ZHX3: variants seen among roughly 807,000 people sequenced by gnomAD.
The protein encoded by ZHX3 is zinc fingers and homeoboxes protein 3.
A neutral mutation model predicts 64.5 loss-of-function variants in ZHX3; 20 were observed. That is an observed-to-expected ratio of 0.31 (90% CI 0.22 to 0.45). The LOEUF (loss-of-function observed/expected upper bound fraction) is 0.45. Ranked by LOEUF, ZHX3 falls within the 20% of genes least tolerant of loss-of-function variation. ZHX3 has a pLI of 1.00. For missense variants in ZHX3, 1,041 were observed against 1,195.8 expected (o/e 0.87, Z 1.91); for synonymous variants, 423 against 461.6 (o/e 0.92, Z 1.07).
intron 2 of ZHX3, among the ~76,000 whole-genome samples, chr20:41,243,781 A>G (rs1169934145): frequency 6.6e-6 from 1 of 152,194 alleles, no homozygotes; most frequent in Non-Finnish European, 1.5e-5. Flanking sequence ...GAAGGGGGCT[A>G]TTAGAAGGCA....
Position 41,205,063 on chromosome 20 carries a change from C to T in ZHX3, c.-147G>A, listed in dbSNP as rs1212509449. On this transcript the variant is annotated 5_prime_UTR_variant, in exon 3 of 4. Coordinates refer to ENST00000683867, the MANE Select transcript of ZHX3 (RefSeq NM_001384317.1). The stretch of plus-strand genomic sequence containing the variant: ...TTGCAGAAAGCAGGTTTTCCCTATT[C>T]AATCTAAGGAAAGGGAGAAAAAAAT... The T allele has an allele frequency of 3.1e-6, 4 of 1,304,800 alleles. No homozygotes were observed. In the African/African-American group the frequency reaches 4.5e-5, roughly 15 times the overall value. The allele number at this position is 1,304,800 out of a possible 1,614,324, so 80.8% of individuals were successfully genotyped here.
In ZHX3 at chr20:41,184,555, C is replaced by T. The variant is rs551168514; in HGVS notation, c.*636G>A. 1.1e-4 allele frequency: 30 copies of T among 274,358 alleles called. No individual in the cohort carries two copies. Among genetic ancestry groups the T allele is most frequent in the Non-Finnish European group, 1.8e-4 (26 of 144,202 alleles). 17.0% of individuals were successfully genotyped at this position (274,358 alleles called of 1,614,324 possible). On this transcript the variant is annotated 3_prime_UTR_variant, in exon 4 of 4. Transcript: ENST00000683867. ...TACAGCAGGTTCTGCACTGAGTAGCCCACAAGGCAAAGCAAGCCTGACATG... is the reference window on the plus strand; with the variant it reads ...TACAGCAGGTTCTGCACTGAGTAGCTCACAAGGCAAAGCAAGCCTGACATG...
chr20:41,289,944 AAAC>A (rs1218698680), intron 1 of ZHX3, among the ~76,000 whole-genome samples: 6 of 152,250 alleles, frequency 3.9e-5, no homozygotes, highest in African/African-American at 1.4e-4. Context: ...TAGAAACTAA[AAAC>A]TAATAATAAC....
chr20:41,218,340 G>C (rs1237783101), intron 2 of ZHX3, among the ~76,000 whole-genome samples: 1 of 152,100 alleles, frequency 6.6e-6, no homozygotes, highest in Non-Finnish European at 1.5e-5. Context: ...AGCTAATTGG[G>C]AAGCTGAGGC....
At chr20:41,215,580 C>T (rs951317105) in intron 2 of ZHX3, among the ~76,000 whole-genome samples, 1 of 151,940 alleles carries the variant, frequency 6.6e-6, no homozygotes, top group Non-Finnish European at 1.5e-5. Context: ...ACAGACTCTT[C>T]CAAGCGTTAT....
rs144856955 is a variant in ZHX3 at position 41,219,352 on chromosome 20, A to G, written c.-150-14286T>C. ...CAAGCTCAGAAGGTGATTGTGATATAAATACAAAGGCCTCAGAATTAAAGA... is the reference window on the plus strand; with the variant it reads ...CAAGCTCAGAAGGTGATTGTGATATGAATACAAAGGCCTCAGAATTAAAGA... On this transcript the variant is annotated intron_variant, in intron 2 of 3. Coordinates refer to ENST00000683867, the MANE Select transcript of ZHX3 (RefSeq NM_001384317.1). This position sits in a 1 kb window ranked among gnomAD's most constrained non-coding sequence, Gnocchi z 5.0. 2.2e-4 allele frequency among the ~76,000 whole-genome samples: 33 copies of G among 152,322 alleles called. No homozygotes were observed. The East Asian group carries it at 6.2e-3, about 28-fold the overall frequency.
At position 41,237,326 on chromosome 20, in the gene ZHX3, C is replaced by T. The variant is rs182744305; in HGVS notation, c.-151+31664G>A. ...GACACATGCACATGTATGTTTATTG[C>T]GGCACTATTCACAATAACAAAGACT... On this transcript the variant is annotated intron_variant, in intron 2 of 3. Transcript: ENST00000683867. 1.3e-3 allele frequency among the ~76,000 whole-genome samples: 205 copies of T among 152,124 alleles called. 5 individuals are homozygous for T. The East Asian group carries it at 0.03, about 22-fold the overall frequency.
chr20:41,197,363 AT>A lies in ZHX3; in HGVS notation c.2860+4693del, dbSNP rs575317641. On this transcript the variant is annotated intron_variant, in intron 3 of 3. Coordinates refer to ENST00000683867, the MANE Select transcript of ZHX3 (RefSeq NM_001384317.1). The stretch of plus-strand genomic sequence containing the variant: ...ATAATTGTATATATTTAAAATATAT[AT>A]TTTATATATAATTGTATATATTTTA... Among the ~76,000 whole-genome samples the A allele has an allele frequency of 2.7e-5, 4 of 146,624 alleles. No homozygotes were observed. In the Admixed American group the frequency reaches 2.8e-4, roughly 10 times the overall value.
chr20:41,208,951 C>T (rs1450384579), intron 2 of ZHX3, among the ~76,000 whole-genome samples: 2 of 152,232 alleles, frequency 1.3e-5, no homozygotes, highest in Admixed American at 1.3e-4. Flanking sequence ...CCCATCGTCT[C>T]AGCCTAAAAT....
At chr20:41,299,683 GA>G (rs1568960232) in intron 1 of ZHX3, among the ~76,000 whole-genome samples, 1 of 151,978 alleles carries the variant, frequency 6.6e-6, no homozygotes, top group Non-Finnish European at 1.5e-5. Flanking sequence ...CCAACACGGC[GA>G]AACCCTATCT....
Position 41,185,123 on chromosome 20 carries a change from G to A in ZHX3, c.*68C>T, listed in dbSNP as rs572887219. On this transcript the variant is annotated 3_prime_UTR_variant, in exon 4 of 4. Coordinates refer to ENST00000683867, the MANE Select transcript of ZHX3 (RefSeq NM_001384317.1). This position sits in a 1 kb window ranked among gnomAD's most constrained non-coding sequence, Gnocchi z 5.0. ...AACGGCATGTGGCAGCAGAGAGTCG[G>A]GTTTGGCTCTTCCACGTGGCAGGCG... 1.3e-6 allele frequency: 2 copies of A among 1,588,240 alleles called. No individual in the cohort carries two copies. The highest frequency in any genetic ancestry group is 4.5e-5 in the East Asian group (2 of 44,140).
intron 1 of ZHX3, among the ~76,000 whole-genome samples, chr20:41,274,326 A>G (rs1350098152): frequency 6.6e-6 from 1 of 152,256 alleles, no homozygotes; most frequent in Non-Finnish European, 1.5e-5. Flanking sequence ...CAGACTTCGC[A>G]GAACAGTATC....
At chr20:41,188,155 G>A (rs1208175306) in intron 3 of ZHX3, among the ~76,000 whole-genome samples, 1 of 152,084 alleles carries the variant, frequency 6.6e-6, no homozygotes, top group Non-Finnish European at 1.5e-5. Flanking sequence ...TGCCACATAT[G>A]AGTAAGAACG....
At position 41,249,502 on chromosome 20, in the gene ZHX3, C is replaced by T. The variant is rs548587898; in HGVS notation, c.-151+19488G>A. ...GAACTGACATCACCAGCCAAGCAAG[C>T]GGAAGGCAGATGAGTAATAGCCTGC... On this transcript the variant is annotated intron_variant, in intron 2 of 3. Coordinates refer to ENST00000683867, the MANE Select transcript of ZHX3 (RefSeq NM_001384317.1). Among the ~76,000 whole-genome samples, 133 of 152,270 alleles carry T rather than the reference C, an allele frequency of 8.7e-4. 1 individual carries two copies. Among genetic ancestry groups the T allele is most frequent in the Middle Eastern group, 6.8e-3 (2 of 294 alleles).
chr20:41,300,128 AT>A (rs1218119456), intron 1 of ZHX3: 1 of 152,220 alleles, frequency 6.6e-6, no homozygotes, highest in Non-Finnish European at 1.5e-5. Context: ...GTTAGTGCTC[AT>A]CACCATGGAG....
rs138574799 is a variant in ZHX3 at position 41,202,930 on chromosome 20, T to C, written c.1987A>G (p.Arg663Gly). Residue 663 changes from arginine (R) to glycine (G), a missense_variant, in exon 3 of 4, where the codon AGA (arginine) becomes GGA (glycine). This residue lies in a region of ZHX3 where 649 missense variants were observed against 739.8 expected (regional missense o/e 0.88). Transcript: ENST00000683867. This position sits in a 1 kb window ranked among gnomAD's most constrained non-coding sequence, Gnocchi z 7.0. The stretch of plus-strand genomic sequence containing the variant: ...TCCTCAGCATTCACTTTTTTCCGTC[T>C]CTCTGAAAACCAGCTATCAATTTCT... ...RREIDSWFSE[R>G]RKKVNAEETK... 1 of 1,614,034 alleles carries C rather than the reference T, an allele frequency of 6.2e-7. No homozygotes were observed. The highest frequency in any genetic ancestry group is 1.3e-5 in the African/African-American group (1 of 74,920).
chr20:41,279,066 T>C (rs894485436), intron 1 of ZHX3, among the ~76,000 whole-genome samples: 1 of 152,178 alleles, frequency 6.6e-6, no homozygotes, highest in African/African-American at 2.4e-5. Flanking sequence ...CGTGAGCCAC[T>C]GCACCCAGAC....
At chr20:41,313,471 G>A (rs1412864378) in intron 1 of ZHX3, among the ~76,000 whole-genome samples, 2 of 151,838 alleles carry the variant, frequency 1.3e-5, no homozygotes, top group African/African-American at 2.4e-5. Flanking sequence ...CAAAAATCAC[G>A]TTGATAATTT....
intron 2 of ZHX3, among the ~76,000 whole-genome samples, chr20:41,259,362 T>C (rs912581027): frequency 1.3e-5 from 2 of 152,224 alleles, no homozygotes; most frequent in African/African-American, 4.8e-5. Flanking sequence ...ATTTATCACC[T>C]TTGATCCACA....
Sources: gnomAD v4.1 joint callset for allele counts (sites outside exome capture counted in the v4.1 genomes callset) on GRCh38, gnomAD v4.1.1 for gene constraint, gnomAD v4.1.1 regional missense constraint, Gnocchi (gnomAD v3.1) non-coding constraint, MANE v1.5 for transcripts, NCBI Gene and HGNC (gene_info 2026-07-23, HGNC 2026-07-21) for gene names.